Variants in CDH2 observed in about 807,000 individuals in gnomAD.
CDH2 encodes cadherin 2, also known as cadherin-2.
CDH2 carries 17 observed loss-of-function variants against 92.0 expected under a neutral mutation model. The observed-to-expected ratio is 0.18, with a 90% CI of 0.13 to 0.28. CDH2 has a LOEUF of 0.28. Among genes scored for constraint, CDH2 ranks in the 10% least tolerant of loss-of-function variants. The pLI, the probability that CDH2 is intolerant of heterozygous loss-of-function variation, is 1.00. For synonymous variants in CDH2, 419 were observed against 415.9 expected (o/e 1.01, Z -0.09); for missense variants, 862 against 1,133.1 (o/e 0.76, Z 3.44).
chr18:28,007,165 A>AAAAAAAAAAAATATATAT (rs1172779200), intron 5 of CDH2, among the ~76,000 whole-genome samples: 1 of 110,502 alleles, frequency 9.0e-6, no homozygotes, highest in African/African-American at 4.4e-5. Context: ...ATAAAAAAAA[A>AAAAAAAAAAAATATATAT]ATATATATAT....
intron 6 of CDH2, among the ~76,000 whole-genome samples, chr18:27,936,077 T>G (rs1909011840): frequency 6.6e-6 from 1 of 152,318 alleles, no homozygotes; most frequent in South Asian, 2.1e-4. Flanking sequence ...TTCATTTCAC[T>G]TCTTCTTGAC....
intron 2 of CDH2, among the ~76,000 whole-genome samples, chr18:28,055,815 T>C (rs2014281647): frequency 6.6e-6 from 1 of 152,296 alleles, no homozygotes; most frequent in South Asian, 2.1e-4. Flanking sequence ...GGTCTATTAG[T>C]TGAAAAAATA....
rs368498733 is a variant in CDH2 at position 28,001,641 on chromosome 18, A to G, written c.1020+1356T>C. Reference sequence around the variant, plus strand: ...TTAAGAAACTAAACTGAGTCCAACAATCTCTGATGCAAATCATTTCTAGAA... The same window carrying G: ...TTAAGAAACTAAACTGAGTCCAACAGTCTCTGATGCAAATCATTTCTAGAA... On this transcript the variant is annotated intron_variant, in intron 7 of 15. Coordinates refer to ENST00000269141, the MANE Select transcript of CDH2 (RefSeq NM_001792.5). Among the ~76,000 whole-genome samples the G allele has an allele frequency of 2.6e-5, 4 of 152,342 alleles. No individual in the cohort carries two copies. In the East Asian group the frequency reaches 7.7e-4, roughly 29 times the overall value.
At chr18:27,953,043 A>G (rs1192767342) in intron 15 of CDH2, among the ~76,000 whole-genome samples, 1 of 152,194 alleles carries the variant, frequency 6.6e-6, no homozygotes, top group Non-Finnish European at 1.5e-5. Flanking sequence ...AAAATCATTT[A>G]TGTGACTAAC....
At chr18:28,075,635 G>C (rs1405179004) in intron 2 of CDH2, among the ~76,000 whole-genome samples, 1 of 152,178 alleles carries the variant, frequency 6.6e-6, no homozygotes, top group African/African-American at 2.4e-5. Flanking sequence ...TGGTATCCCA[G>C]AAAGCCCTTC....
chr18:28,015,653 T>C (rs950815699), intron 2 of CDH2, among the ~76,000 whole-genome samples: 2 of 152,194 alleles, frequency 1.3e-5, no homozygotes, highest in Admixed American at 6.5e-5. Flanking sequence ...AAAAATTACA[T>C]ACTCTTCTGC....
intron 2 of CDH2, among the ~76,000 whole-genome samples, chr18:28,092,271 A>T (rs779129503): frequency 1.3e-5 from 2 of 152,168 alleles, no homozygotes; most frequent in African/African-American, 2.4e-5. Context: ...AGACCTTCAG[A>T]AGGCAGAGAA....
intron 14 of CDH2, among the ~76,000 whole-genome samples, chr18:27,966,987 A>AATTT (rs1228640530): frequency 6.6e-6 from 1 of 152,198 alleles, no homozygotes; most frequent in Non-Finnish European, 1.5e-5. Flanking sequence ...CTATAGTAAT[A>AATTT]ATTTATGATG....
chr18:27,961,067 C>G (rs2011391158), intron 15 of CDH2, among the ~76,000 whole-genome samples: 1 of 151,276 alleles, frequency 6.6e-6, no homozygotes, highest in Non-Finnish European at 1.5e-5. Flanking sequence ...TAGACACACA[C>G]ACACAAACAA....
chr18:28,166,264 A>G (rs1431319745), intron 1 of CDH2, among the ~76,000 whole-genome samples: 1 of 150,278 alleles, frequency 6.7e-6, no homozygotes, highest in African/African-American at 2.4e-5. Flanking sequence ...TACTAAAAAA[A>G]GTAACCTGTC....
chr18:27,992,918 C>A, intron 8 of CDH2, 78 bp from the exon 9 acceptor site: 1 of 967,750 alleles, frequency 1.0e-6, no homozygotes, highest in Non-Finnish European at 1.5e-6. Flanking sequence ...CCACACCGTC[C>A]GATTTTACTG....
chr18:27,947,460 C>T (rs990832379), downstream of CDH2, among the ~76,000 whole-genome samples: 1 of 151,632 alleles, frequency 6.6e-6, no homozygotes, highest in African/African-American at 2.4e-5. Context: ...TGTTATGGAA[C>T]TTCACAAAAT....
At chr18:28,028,189 C>T (rs945381567) in intron 2 of CDH2, among the ~76,000 whole-genome samples, 2 of 152,030 alleles carry the variant, frequency 1.3e-5, no homozygotes, top group Non-Finnish European at 2.9e-5. Flanking sequence ...TAAATTAAAC[C>T]TGTTTCTCAA....
At chr18:27,949,867 A>G (rs1909369020), downstream of CDH2, among the ~76,000 whole-genome samples, 2 of 151,950 alleles carry the variant, frequency 1.3e-5, no homozygotes, top group Admixed American at 6.6e-5. Flanking sequence ...CCTTACAAAC[A>G]CTTAAAGTTT....
downstream of CDH2, among the ~76,000 whole-genome samples, chr18:27,947,250 G>A (rs1909290345): frequency 6.6e-6 from 1 of 151,628 alleles, no homozygotes; most frequent in Admixed American, 6.6e-5. Flanking sequence ...GAGCAGTAAA[G>A]TATCACTAGA....
chr18:28,167,558 A>C (rs1333851482), intron 1 of CDH2, among the ~76,000 whole-genome samples: 1 of 152,112 alleles, frequency 6.6e-6, no homozygotes, highest in African/African-American at 2.4e-5. Flanking sequence ...CACAAAGTAT[A>C]AATGAGCAAA....
At chr18:28,135,393 T>C (rs552120242) in intron 2 of CDH2, among the ~76,000 whole-genome samples, 3 of 152,278 alleles carry the variant, frequency 2.0e-5, no homozygotes, top group South Asian at 4.1e-4. Context: ...TAAATTATAA[T>C]TGTTGTTTGA....
downstream of CDH2, among the ~76,000 whole-genome samples, chr18:27,948,299 G>T (rs147106122): frequency 4.1e-4 from 56 of 137,710 alleles, no homozygotes; most frequent in South Asian, 1.1e-3. Flanking sequence ...GTTGGGTTTA[G>T]ACTGAAGTTT....
At position 27,988,615 on chromosome 18, in the gene CDH2, A is replaced by G. The variant is rs1209171727; in HGVS notation, c.1650T>C (p.Asn550=). The stretch of plus-strand genomic sequence containing the variant: ...AAACAGCAATTGTAGTTATTTGTCC[A>G]TTCACAGGATCTATTTTTAGCCAAT... ...PANWLKIDPV[N]GQITTIAVLD... Residue 550 remains asparagine, a synonymous_variant, in exon 11 of 16, where the codon AAT becomes AAC. Coordinates refer to ENST00000269141, the MANE Select transcript of CDH2 (RefSeq NM_001792.5). The G allele has an allele frequency of 6.2e-7, 1 of 1,608,964 alleles. No individual in the cohort carries two copies. Among genetic ancestry groups the G allele is most frequent in the Non-Finnish European group, 8.5e-7 (1 of 1,175,438 alleles).
Sources: gnomAD v4.1 joint callset for allele counts (sites outside exome capture counted in the v4.1 genomes callset) on GRCh38, gnomAD v4.1.1 for gene constraint, MANE v1.5 for transcripts, NCBI Gene and HGNC (gene_info 2026-07-23, HGNC 2026-07-21) for gene names.